The following STK3 variants were observed in gnomAD, a reference collection of about 807,000 sequenced individuals.
The protein encoded by STK3 is serine/threonine kinase 3, also known as serine/threonine-protein kinase 3.
In STK3, 41 loss-of-function variants were observed where a neutral mutation model predicts 58.0. The observed-to-expected ratio is 0.71, with a 90% confidence interval of 0.55 to 0.92. STK3 has a LOEUF of 0.92. Ranked by LOEUF, STK3 falls within the 40% of genes least tolerant of loss-of-function variation. The pLI, the probability that STK3 is intolerant of heterozygous loss-of-function variation, is 0.00. For synonymous variants in STK3, 170 were observed against 191.0 expected, an observed-to-expected ratio of 0.89 and a Z score of 0.91; for missense variants, 479 against 602.7, an observed-to-expected ratio of 0.79 and a Z score of 2.15.
At chr8:98,464,762 C>T (rs1027338980) in intron 10 of STK3, among the ~76,000 whole-genome samples, 2 of 151,958 alleles carry the variant, frequency 1.3e-5, no homozygotes, top group South Asian at 2.1e-4. Flanking sequence ...TAATTTCAGG[C>T]ACTTGATAAC....
Position 98,647,018 on chromosome 8 carries a change from G to C in STK3, c.685-50849C>G, listed in dbSNP as rs1199693759. ...GCTGCTCAAGGCCTGCCAGGGGTCT[G>C]TCTACAAGGCACTACTGATCTCACC... On this transcript the variant is annotated intron_variant, in intron 6 of 10. Coordinates refer to ENST00000419617, the MANE Select transcript of STK3 (RefSeq NM_006281.4). Among the ~76,000 whole-genome samples the C allele has an allele frequency of 6.6e-5, 10 of 152,088 alleles. 1 individual carries two copies. Among genetic ancestry groups the C allele is most frequent in the Non-Finnish European group, 1.3e-4 (9 of 68,030 alleles).
At chr8:98,694,698 G>A (rs898539906) in intron 6 of STK3, among the ~76,000 whole-genome samples, 2 of 152,128 alleles carry the variant, frequency 1.3e-5, no homozygotes, top group African/African-American at 4.8e-5. Flanking sequence ...TTTTATGGCT[G>A]CATATCATTC....
intron 10 of STK3, among the ~76,000 whole-genome samples, chr8:98,496,296 TAAAC>T (rs985481783): frequency 9.2e-5 from 14 of 152,166 alleles, no homozygotes; most frequent in Admixed American, 2.6e-4. Flanking sequence ...TTAGAACTAA[TAAAC>T]AAGTTCCAAA....
intron 4 of STK3, among the ~76,000 whole-genome samples, chr8:98,716,878 T>A (rs1288933532): frequency 6.6e-6 from 1 of 152,024 alleles, no homozygotes; most frequent in East Asian, 1.9e-4. Context: ...GTATATATAA[T>A]CAAATTATTT....
intron 10 of STK3, among the ~76,000 whole-genome samples, chr8:98,488,800 T>C (rs1465868744): frequency 6.6e-6 from 1 of 152,208 alleles, no homozygotes; most frequent in East Asian, 1.9e-4. Context: ...ATTCTACCTT[T>C]CTTCCATAGA....
chr8:98,717,176 G>T (rs777485910), intron 4 of STK3, among the ~76,000 whole-genome samples: 1 of 150,794 alleles, frequency 6.6e-6, no homozygotes, highest in African/African-American at 2.4e-5. Context: ...AGACAAATTG[G>T]ACTTCATGAA....
intron 1 of STK3, among the ~76,000 whole-genome samples, chr8:98,446,636 G>C (rs1818959770): frequency 6.6e-6 from 1 of 152,112 alleles, no homozygotes; most frequent in African/African-American, 2.4e-5. Context: ...GCGGAGAAAA[G>C]GGAATGCTTA....
intron 3 of STK3, among the ~76,000 whole-genome samples, chr8:98,402,368 C>T (rs1817951410): frequency 6.6e-6 from 1 of 152,222 alleles, no homozygotes; most frequent in Non-Finnish European, 1.5e-5. Context: ...ATCTAGCATC[C>T]TAACACATTC....
chr8:98,666,071 A>G (rs1457626995), intron 6 of STK3, among the ~76,000 whole-genome samples: 1 of 152,182 alleles, frequency 6.6e-6, no homozygotes, highest in Non-Finnish European at 1.5e-5. Context: ...GACACTGTCA[A>G]GAAGTAAATT....
intron 1 of STK3, chr8:98,904,761 G>T: frequency 3.9e-6 from 3 of 760,730 alleles, no homozygotes; most frequent in Non-Finnish European, 4.5e-6. Flanking sequence ...GCATGACGCG[G>T]TTCCACAATA....
rs559288053 is a variant in STK3 at position 98,469,452 on chromosome 8, G to A, written c.1318-13452C>T. ...GCTGCACCTCTTGCAAAGGCAGCAA[G>A]GCTTTGGTTTTATCCTCCCTTGAGC... On this transcript the variant is annotated intron_variant, in intron 10 of 10. Coordinates refer to ENST00000419617, the MANE Select transcript of STK3 (RefSeq NM_006281.4). Among the ~76,000 whole-genome samples, 7 of 152,316 alleles carry A rather than the reference G, an allele frequency of 4.6e-5. No homozygotes were observed. The South Asian group carries it at 1.5e-3, about 32-fold the overall frequency.
intron 3 of STK3, among the ~76,000 whole-genome samples, chr8:98,871,351 T>C (rs1340007577): frequency 2.0e-5 from 3 of 152,198 alleles, no homozygotes; most frequent in Admixed American, 2.0e-4. Context: ...CATATGAACT[T>C]TAAAGTAGTT....
At chr8:98,931,320 G>A (rs569756177) in intron 1 of STK3, among the ~76,000 whole-genome samples, 1 of 152,262 alleles carries the variant, frequency 6.6e-6, no homozygotes, top group South Asian at 2.1e-4. Context: ...ACAATTGTAG[G>A]ATAGAGAACA....
intron 4 of STK3, among the ~76,000 whole-genome samples, chr8:98,710,309 C>G (rs1396893689): frequency 6.6e-6 from 1 of 152,116 alleles, no homozygotes; most frequent in Non-Finnish European, 1.5e-5. Context: ...ACAGTGGGTA[C>G]AGTGCACTGA....
At chr8:98,505,281 GC>G (rs1247811401) in intron 10 of STK3, among the ~76,000 whole-genome samples, 2 of 152,226 alleles carry the variant, frequency 1.3e-5, no homozygotes, top group Non-Finnish European at 2.9e-5. Context: ...ATTCTAGTTA[GC>G]CATTAGTCTA....
At chr8:98,391,827 A>T (rs941271802), upstream of STK3, among the ~76,000 whole-genome samples, 3 of 152,142 alleles carry the variant, frequency 2.0e-5, no homozygotes, top group Non-Finnish European at 2.9e-5. Flanking sequence ...ATTCTTCAAT[A>T]TGTGCCTCTG....
At chr8:98,588,745 T>A (rs1203846283) in intron 7 of STK3, among the ~76,000 whole-genome samples, 2 of 151,738 alleles carry the variant, frequency 1.3e-5, no homozygotes, top group Admixed American at 6.6e-5. Context: ...CAATTAGACG[T>A]AGATTTGGTC....
At chr8:98,635,112 G>A (rs1819528761) in intron 6 of STK3, among the ~76,000 whole-genome samples, 1 of 152,088 alleles carries the variant, frequency 6.6e-6, no homozygotes, top group African/African-American at 2.4e-5. Context: ...ACTACAGCCA[G>A]AAAAGGGTAA....
intron 9 of STK3, among the ~76,000 whole-genome samples, chr8:98,531,539 T>A (rs1315891455): frequency 6.6e-6 from 1 of 152,190 alleles, no homozygotes; most frequent in South Asian, 2.1e-4. Context: ...GCATAATTTT[T>A]AAGGGCCCTA....
Sources: gnomAD v4.1 joint callset for allele counts (sites outside exome capture counted in the v4.1 genomes callset) on GRCh38, gnomAD v4.1.1 for gene constraint, MANE v1.5 for transcripts, NCBI Gene and HGNC (gene_info 2026-07-23, HGNC 2026-07-21) for gene names.